The following KRT76 variants were observed in gnomAD, a reference collection of about 807,000 sequenced individuals.
The protein encoded by KRT76 is keratin, type II cytoskeletal 2 oral.
In KRT76, 47 loss-of-function variants were observed where a neutral mutation model predicts 44.9. The observed-to-expected ratio is 1.05, with a 90% CI of 0.83 to 1.33. The LOEUF is 1.33. KRT76 is among the 40% of genes most tolerant of loss of function. The pLI is 0.00. For missense variants in KRT76, 860 were observed against 775.8 expected, an observed-to-expected ratio of 1.11 and a Z score of -1.29; for synonymous variants, 331 against 294.1, an observed-to-expected ratio of 1.13 and a Z score of -1.28.
At chr12:52,772,910 CCCT>C in intron 3 of KRT76, 32 bp from the exon 4 acceptor site, 1 of 1,467,460 alleles carries the variant, frequency 6.8e-7, no homozygotes, top group Non-Finnish European at 9.6e-7. Context: ...CAGAGAATGA[CCCT>C]CTGTTCCCCT....
Position 52,771,998 on chromosome 12 carries a change from T to G in KRT76, c.1138-2A>C. 1.2e-6 allele frequency: 2 copies of G among 1,613,200 alleles called. No homozygotes were observed. Among genetic ancestry groups the G allele is most frequent in the Non-Finnish European group, 1.7e-6 (2 of 1,179,618 alleles). On this transcript the variant is annotated splice_acceptor_variant, in intron 5 of 8. Coordinates refer to ENST00000332411, the MANE Select transcript of KRT76 (RefSeq NM_015848.4). LOFTEE classifies it high-confidence loss of function. ...AGCTGTGGTCTGCAGCTCCCCAAGC[T>G]GACAGAGGAAAAACCAATCAACGTG...
chr12:52,775,654 G>C, intron 1 of KRT76, 52 bp from the exon 2 acceptor site: 1 of 1,436,130 alleles, frequency 7.0e-7, no homozygotes, highest in Non-Finnish European at 9.7e-7. Flanking sequence ...GGGCATGTGG[G>C]GCTGCCCATC....
Position 52,768,326 on chromosome 12 carries a change from A to G in KRT76, c.*387T>C, listed in dbSNP as rs1378737402. 4 of 183,020 alleles carry G rather than the reference A, an allele frequency of 2.2e-5. No homozygotes were observed. Among genetic ancestry groups the G allele is most frequent in the Non-Finnish European group, 4.6e-5 (4 of 87,146 alleles). 11.3% of individuals were successfully genotyped at this position (183,020 alleles called of 1,614,324 possible). A position where few individuals can be genotyped will look rare whatever the true frequency, so the allele number is the denominator to read the frequency against. On this transcript the variant is annotated 3_prime_UTR_variant, in exon 9 of 9. Coordinates refer to ENST00000332411, the MANE Select transcript of KRT76 (RefSeq NM_015848.4). ...ATCTTGGCCGTGCACCCTCCAGCAC[A>G]GAACCCATGGCTCTGCCCTCCTCAG...
chr12:52,774,764 C>A (rs1939234352), intron 2 of KRT76, among the ~76,000 whole-genome samples: 1 of 152,308 alleles, frequency 6.6e-6, no homozygotes. Context: ...AGCAGGTGTG[C>A]CCGTCCCTGT....
chr12:52,772,099 T>C lies in KRT76; in HGVS notation c.1132A>G (p.Thr378Ala), dbSNP rs1395039902. Residue 378 changes from threonine (T) to alanine (A), a missense_variant, in exon 5 of 9, where the codon ACC becomes GCC. Physicochemically the swap from Thr to Ala is moderately conservative, Grantham distance 58. Coordinates refer to ENST00000332411, the MANE Select transcript of KRT76 (RefSeq NM_015848.4). Reference sequence around the variant, plus strand: ...GACACAGGGAGGGTTCCCACCTTGGTCTGGTACAGGGCCTCAGCTTCAGAC... The same window carrying C: ...GACACAGGGAGGGTTCCCACCTTGGCCTGGTACAGGGCCTCAGCTTCAGAC... ...SKSEAEALYQ[T>A]KLGELQTTAG... 1 of 1,609,684 alleles carries C rather than the reference T, an allele frequency of 6.2e-7. No homozygotes were observed. Among genetic ancestry groups the C allele is most frequent in the South Asian group, 1.1e-5 (1 of 90,126 alleles).
In KRT76 at chr12:52,773,602, C is replaced by G; in HGVS notation, c.856G>C (p.Glu286Gln). Residue 286 changes from glutamate (E) to glutamine (Q), a missense_variant, in exon 3 of 9, where the codon GAG becomes CAG. Glu to Gln is a conservative substitution (Grantham distance 29). Coordinates refer to ENST00000332411, the MANE Select transcript of KRT76 (RefSeq NM_015848.4). ...EINKRTAAEN[E>Q]FVGLKKDVDA... ...CCTACCTTCTTGAGCCCCACAAACT[C>G]ATTCTCTGCGGCAGTGCGTTTGTTG... 2.5e-6 allele frequency: 4 copies of G among 1,613,442 alleles called. No individual in the cohort carries two copies. Among genetic ancestry groups the G allele is most frequent in the Non-Finnish European group, 3.4e-6 (4 of 1,179,494 alleles).
At chr12:52,770,269 T>A (rs1037824306) in intron 7 of KRT76, among the ~76,000 whole-genome samples, 6 of 152,226 alleles carry the variant, frequency 3.9e-5, no homozygotes, top group Admixed American at 6.5e-5. Context: ...CTTCTCATAC[T>A]TGGGTTCTGC....
chr12:52,773,507 A>G, intron 3 of KRT76, 75 bp downstream of exon 3: 2 of 1,041,058 alleles, frequency 1.9e-6, no homozygotes, highest in Non-Finnish European at 3.0e-6. Context: ...GCCCCAGAAC[A>G]GCTGGCTGTG....
chr12:52,774,062 G>A (rs577970877), intron 2 of KRT76, among the ~76,000 whole-genome samples: 1 of 152,176 alleles, frequency 6.6e-6, no homozygotes, highest in East Asian at 1.9e-4. Flanking sequence ...GAACTGTTGG[G>A]CTCAAGTGAT....
At chr12:52,771,344 G>C (rs1199717354) in intron 6 of KRT76, 125 bp from the exon 7 acceptor site, 1 of 925,866 alleles carries the variant, frequency 1.1e-6, no homozygotes, top group African/African-American at 1.7e-5. Flanking sequence ...AATGGAGCAT[G>C]CTCAGAGAAA....
Position 52,775,620 on chromosome 12 carries a change from GA to G in KRT76, c.601-19del. 1 of 1,607,188 alleles carries G rather than the reference GA, an allele frequency of 6.2e-7. No homozygotes were observed. The highest frequency in any genetic ancestry group is 8.5e-7 in the Non-Finnish European group (1 of 1,175,476). On this transcript the variant is annotated intron_variant, in intron 1 of 8. Transcript: ENST00000332411. ...AACCGCACCTGCATGAAAGAGGGGA[GA>G]AAAGGAGTCAGCCCCTTGAGTTGGG...
rs1939247654 is a variant in KRT76 at position 52,775,469 on chromosome 12, AG to A, written c.733del (p.Leu245Ter). 1 of 1,614,072 alleles carries A rather than the reference AG, an allele frequency of 6.2e-7. No homozygotes were observed. The highest frequency in any genetic ancestry group is 1.7e-5 in the Admixed American group (1 of 60,014). ...ESYISFLCKQ[L>X]DSLLGERGNL... ...CCCCCTCTCCCCTAGAAGTGAATCT[AG>A]CTGCTTGCATAGGAAGCTGATGTAG... is the stretch of plus-strand genomic sequence containing the variant. On this transcript the variant is annotated frameshift_variant, in exon 2 of 9. Coordinates refer to ENST00000332411, the MANE Select transcript of KRT76 (RefSeq NM_015848.4). LOFTEE classifies it high-confidence loss of function.
At position 52,768,670 on chromosome 12, in the gene KRT76, G is replaced by A. The variant is rs373177479; in HGVS notation, c.*43C>T. The stretch of plus-strand genomic sequence containing the variant: ...CAGAGAGTGGGAAACACTATTGCAG[G>A]CTGAGTGGGAAGCAGGTGGTTATAG... On this transcript the variant is annotated 3_prime_UTR_variant, in exon 9 of 9. Transcript: ENST00000332411. 6.4e-7 allele frequency: 1 copy of A among 1,553,330 alleles called. No homozygotes were observed. Among genetic ancestry groups the A allele is most frequent in the Non-Finnish European group, 8.8e-7 (1 of 1,141,872 alleles).
Position 52,775,531 on chromosome 12 carries a change from G to A in KRT76, c.672C>T (p.Gly224=), listed in dbSNP as rs781209244. The A allele has an allele frequency of 9.3e-6, 15 of 1,614,042 alleles. No individual in the cohort carries two copies. Among genetic ancestry groups the A allele is most frequent in the East Asian group, 6.7e-5 (3 of 44,882 alleles). ...KWELLQQQTT[G]SGPSSLEPCF... ...AAGGCTCCAGGCTGCTGGGCCCTGA[G>A]CCTGTGGTCTGCTGCTGGAGCAGTT... Residue 224 remains glycine (G), a synonymous_variant, in exon 2 of 9, where the codon GGC becomes GGT. Transcript: ENST00000332411.
Position 52,769,563 on chromosome 12 carries a change from C to A in KRT76, c.1505G>T (p.Ser502Ile), listed in dbSNP as rs962520195. Residue 502 changes from serine (S) to isoleucine (I), a missense_variant, in exon 8 of 9, where the codon AGT becomes ATT. Transcript: ENST00000332411. ...GGGCTACTTACAAATGCACACGGCACTCTGACATTCTCCAGACATCCTGAA... is the reference window on the plus strand; with the variant it reads ...GGGCTACTTACAAATGCACACGGCAATCTGACATTCTCCAGACATCCTGAA... ...EECRMSGECQ[S>I]AVCISVVSNV... 6.2e-7 allele frequency: 1 copy of A among 1,613,762 alleles called. No individual in the cohort carries two copies. Among genetic ancestry groups the A allele is most frequent in the African/African-American group, 1.3e-5 (1 of 74,930 alleles).
intron 8 of KRT76, 133 bp downstream of exon 8, chr12:52,769,416 G>T: frequency 3.9e-6 from 3 of 770,958 alleles, no homozygotes; most frequent in Non-Finnish European, 7.0e-6. Context: ...CATGGCCTGA[G>T]ATCCTAGACG....
chr12:52,772,326 G>A lies in KRT76; in HGVS notation c.973-68C>T, dbSNP rs958392709. Reference sequence around the variant, plus strand: ...AGGGGATGCTGGGAATCCTCTACTAGCGGAGATATCCCAAGGATGGGGCTA... The same window carrying A: ...AGGGGATGCTGGGAATCCTCTACTAACGGAGATATCCCAAGGATGGGGCTA... On this transcript the variant is annotated intron_variant, in intron 4 of 8. Transcript: ENST00000332411. 1.5e-5 allele frequency: 22 copies of A among 1,461,080 alleles called. No homozygotes were observed. In the African/African-American group the frequency reaches 2.2e-4, roughly 15 times the overall value. 90.5% of individuals were successfully genotyped at this position (1,461,080 alleles called of 1,614,324 possible).
chr12:52,776,736 G>C lies in KRT76; in HGVS notation c.556C>G (p.Gln186Glu), dbSNP rs775959284. 6.2e-6 allele frequency: 10 copies of C among 1,614,168 alleles called. No homozygotes were observed. The highest frequency in any genetic ancestry group is 8.5e-6 in the Non-Finnish European group (10 of 1,180,038). Reference protein sequence around the residue: ...IGQVKAQEREQIKTLNNKFAS... With the variant: ...IGQVKAQEREEIKTLNNKFAS... ...AACTTGTTGTTGAGGGTCTTGATCT[G>C]TTCCCGCTCCTGGGCCTTTACTTGC... The change falls in exon 1 of 9, where the codon CAG (glutamine) becomes GAG (glutamate). Residue 186 changes from glutamine to glutamate, a missense_variant. Coordinates refer to ENST00000332411, the MANE Select transcript of KRT76 (RefSeq NM_015848.4).
intron 6 of KRT76, among the ~76,000 whole-genome samples, chr12:52,771,432 T>C (rs1939180423): frequency 6.6e-6 from 1 of 152,178 alleles, no homozygotes; most frequent in African/African-American, 2.4e-5. Flanking sequence ...AAGGGAGCAC[T>C]AATTTGCTTT....
Sources: allele counts gnomAD v4.1 joint callset (sites outside exome capture counted in the v4.1 genomes callset), GRCh38; gene constraint gnomAD v4.1.1; transcripts MANE v1.5; gene names NCBI Gene and HGNC (gene_info 2026-07-23, HGNC 2026-07-21).